GPRC6A: variants seen among roughly 807,000 people sequenced by gnomAD.
The protein encoded by GPRC6A is G protein-coupled receptor family C group 6 member A.
In GPRC6A, 54 loss-of-function variants were observed where a neutral mutation model predicts 47.0. That is an observed-to-expected ratio of 1.15 (90% CI 0.92 to 1.44). The LOEUF (loss-of-function observed/expected upper bound fraction) is 1.44, where lower values mean the gene tolerates loss of function less well. Among genes scored for constraint, GPRC6A ranks in the 40% most tolerant of loss-of-function variants. GPRC6A has a pLI of 0.00. For synonymous variants in GPRC6A, 347 were observed against 377.1 expected (o/e 0.92, Z 0.93); for missense variants, 1,112 against 1,105.5 (o/e 1.01, Z -0.08).
intron 4 of GPRC6A, among the ~76,000 whole-genome samples, chr6:116,799,960 T>G (rs1175041217): frequency 6.6e-6 from 1 of 152,140 alleles, no homozygotes; most frequent in Non-Finnish European, 1.5e-5. Context: ...CCACTGGAAT[T>G]CTCTTCTGAT....
At position 116,793,026 on chromosome 6, in the gene GPRC6A, A is replaced by G. The variant is rs1185662195; in HGVS notation, c.1897T>C (p.Cys633Arg). ...VVKSSGGLRV[C>R]YVILLCHFLN... ...AAATGACAGAGAAGGATCACATAGC[A>G]GACTCTTAATCCCCCGGATGATTTC... The change falls in exon 6 of 6, where the codon TGC becomes CGC. Residue 633 changes from cysteine to arginine, a missense_variant. Cys to Arg is a radical substitution (Grantham distance 180). Coordinates refer to ENST00000310357, the MANE Select transcript of GPRC6A (RefSeq NM_148963.4). 1.9e-6 allele frequency: 3 copies of G among 1,614,090 alleles called. No homozygotes were observed.
Position 116,793,055 on chromosome 6 carries a change from A to G in GPRC6A, c.1868T>C (p.Val623Ala). The G allele has an allele frequency of 2.5e-6, 4 of 1,613,936 alleles. 1 individual carries two copies. Among genetic ancestry groups the G allele is most frequent in the Non-Finnish European group, 3.4e-6 (4 of 1,179,866 alleles). ...IIFTRNLNTPVVKSSGGLRVC... is the reference protein window; with the variant it reads ...IIFTRNLNTPAVKSSGGLRVC... ...TCTTAATCCCCCGGATGATTTCACA[A>G]CAGGTGTGTTCAGGTTTCTTGTAAA... is the stretch of plus-strand genomic sequence containing the variant. The change falls in exon 6 of 6, where the codon GTT (valine) becomes GCT (alanine). Residue 623 changes from valine (V) to alanine (A), a missense_variant. Coordinates refer to ENST00000310357, the MANE Select transcript of GPRC6A (RefSeq NM_148963.4).
rs577137595 is a variant in GPRC6A, at chr6:116,798,650, C to T, written c.1548+1934G>A. ...CTCTAATTCCAGCACTTTAGGAGGC[C>T]GAGGCAGGTGGATCACAGGGTCAGG... On this transcript the variant is annotated intron_variant, in intron 4 of 5. Transcript: ENST00000310357. Among the ~76,000 whole-genome samples, 40 of 151,876 alleles carry T rather than the reference C, an allele frequency of 2.6e-4. No homozygotes were observed. The South Asian group carries it at 7.7e-3, about 29-fold the overall frequency.
intron 3 of GPRC6A, among the ~76,000 whole-genome samples, chr6:116,802,238 G>T (rs1772698157): frequency 6.6e-6 from 1 of 152,082 alleles, no homozygotes; most frequent in African/African-American, 2.4e-5. Context: ...AAATACAACA[G>T]TATTTTCATT....
At chr6:116,808,312 C>T (rs995988433) in intron 2 of GPRC6A, among the ~76,000 whole-genome samples, 2 of 151,970 alleles carry the variant, frequency 1.3e-5, no homozygotes, top group Non-Finnish European at 2.9e-5. Context: ...CCTTTTCTGC[C>T]GTCTATTACA....
intron 4 of GPRC6A, among the ~76,000 whole-genome samples, chr6:116,796,380 A>T (rs1377312142): frequency 6.6e-6 from 1 of 152,170 alleles, no homozygotes; most frequent in Non-Finnish European, 1.5e-5. Flanking sequence ...GCCTAAATAT[A>T]TACTATTTAA....
intron 2 of GPRC6A, among the ~76,000 whole-genome samples, chr6:116,808,235 A>G (rs561615446): frequency 1.6e-4 from 24 of 152,278 alleles, no homozygotes; most frequent in Admixed American, 1.2e-3. Flanking sequence ...TGATGTTGCT[A>G]TGCTCAGCCA....
Position 116,792,461 on chromosome 6 carries a change from G to A in GPRC6A, c.2462C>T (p.Ser821Phe). The A allele has an allele frequency of 6.2e-7, 1 of 1,613,586 alleles. No homozygotes were observed. Among genetic ancestry groups the A allele is most frequent in the Non-Finnish European group, 8.5e-7 (1 of 1,179,556 alleles). ...PAVEIIVILISNYGILYCTFI... is the reference protein window; with the variant it reads ...PAVEIIVILIFNYGILYCTFI... ...TGTGCAATACAGGATTCCATAGTTAGATATTAATATGACAATAATCTCCAC... is the reference window on the plus strand; with the variant it reads ...TGTGCAATACAGGATTCCATAGTTAAATATTAATATGACAATAATCTCCAC... The change falls in exon 6 of 6, where the codon TCT becomes TTT. Residue 821 changes from serine (S) to phenylalanine (F), a missense_variant. Physicochemically the swap from Ser to Phe is radical, Grantham distance 155 (BLOSUM62 -2). Coordinates refer to ENST00000310357, the MANE Select transcript of GPRC6A (RefSeq NM_148963.4).
intron 1 of GPRC6A, among the ~76,000 whole-genome samples, chr6:116,827,012 G>A (rs144855579): frequency 1.5e-3 from 232 of 151,894 alleles, no homozygotes; most frequent in African/African-American, 5.1e-3. Context: ...TATCATAAAG[G>A]TAGAGAGCTG....
At chr6:116,828,787 G>A (rs1340002968) in intron 1 of GPRC6A, 33 bp downstream of exon 1, 2 of 1,572,462 alleles carry the variant, frequency 1.3e-6, no homozygotes, top group African/African-American at 2.7e-5. Context: ...TGACAATCTT[G>A]AAATCTAAAC....
intron 3 of GPRC6A, among the ~76,000 whole-genome samples, chr6:116,802,798 C>T (rs17078383): frequency 0.14 from 20,596 of 152,076 alleles, 2,061 homozygotes; most frequent in African/African-American, 0.28. Flanking sequence ...TCACTAGAAA[C>T]ACTTCTTCTT....
At position 116,828,857 on chromosome 6, in the gene GPRC6A, C is replaced by A. The variant is rs1204126829; in HGVS notation, c.157G>T (p.Asp53Tyr). The change falls in exon 1 of 6, where the codon GAC becomes TAC. Residue 53 changes from aspartate to tyrosine, a missense_variant. By Grantham distance (160) the Asp-to-Tyr change is radical. Transcript: ENST00000310357. ...AIHEKMLSSE[D>Y]SPRRPQIQEC... is the part of the protein sequence containing the mutation. ...TGGATTTGTGGTCGTCTGGGAGAGT[C>A]TTCTGAGGACAACATTTTTTCATGA... 1 of 1,613,122 alleles carries A rather than the reference C, an allele frequency of 6.2e-7. No individual in the cohort carries two copies. Among genetic ancestry groups the A allele is most frequent in the Non-Finnish European group, 8.5e-7 (1 of 1,179,412 alleles).
At chr6:116,794,123 G>A (rs1309281615) in intron 5 of GPRC6A, among the ~76,000 whole-genome samples, 1 of 152,130 alleles carries the variant, frequency 6.6e-6, no homozygotes, top group Non-Finnish European at 1.5e-5. Context: ...AAGTTGGTGA[G>A]TCTCAGCTGC....
chr6:116,792,587 T>C lies in GPRC6A; in HGVS notation c.2336A>G (p.Asn779Ser). The change falls in exon 6 of 6, where the codon AAT becomes AGT. Residue 779 changes from asparagine (N) to serine (S), a missense_variant. Asn to Ser is a conservative substitution (Grantham distance 46). Coordinates refer to ENST00000310357, the MANE Select transcript of GPRC6A (RefSeq NM_148963.4). ...FAFKGKYENYNEAKFITFGML... is the reference protein window; with the variant it reads ...FAFKGKYENYSEAKFITFGML... Reference sequence around the variant, plus strand: ...GCCAAATGTAATGAATTTGGCTTCATTGTAATTCTCATATTTGCCTTTGAA... The same window carrying C: ...GCCAAATGTAATGAATTTGGCTTCACTGTAATTCTCATATTTGCCTTTGAA... The C allele has an allele frequency of 6.2e-7, 1 of 1,606,196 alleles. No individual in the cohort carries two copies.
Position 116,828,832 on chromosome 6 carries a change from T to C in GPRC6A, c.182A>G (p.Gln61Arg). The C allele has an allele frequency of 1.2e-6, 2 of 1,612,310 alleles. No individual in the cohort carries two copies. The highest frequency in any genetic ancestry group is 1.7e-6 in the Non-Finnish European group (2 of 1,178,910). The change falls in exon 1 of 6, where the codon CAG (glutamine) becomes CGG (arginine). Residue 61 changes from glutamine (Q) to arginine (R), a missense_variant. Physicochemically the swap from Gln to Arg is conservative, Grantham distance 43. Transcript: ENST00000310357. ...GAGACTTACTCACCCAACACACTCC[T>C]GGATTTGTGGTCGTCTGGGAGAGTC... ...SEDSPRRPQI[Q>R]ECVGFEISVF...
chr6:116,797,820 T>C (rs1772537093), intron 4 of GPRC6A, among the ~76,000 whole-genome samples: 1 of 152,184 alleles, frequency 6.6e-6, no homozygotes, highest in East Asian at 1.9e-4. Flanking sequence ...GTTCGTAATG[T>C]AGTTGTGAGG....
intron 1 of GPRC6A, among the ~76,000 whole-genome samples, chr6:116,819,964 A>T (rs888243536): frequency 1.3e-5 from 2 of 150,336 alleles, no homozygotes; most frequent in Non-Finnish European, 3.0e-5. Context: ...ACCGCTAGCA[A>T]GACTAATAAA....
At chr6:116,794,701 G>A (rs1772421956) in intron 5 of GPRC6A, among the ~76,000 whole-genome samples, 1 of 152,094 alleles carries the variant, frequency 6.6e-6, no homozygotes, top group Admixed American at 6.5e-5. Context: ...TTAGGCAGTG[G>A]TATAGCATTT....
In GPRC6A at chr6:116,795,944, T is replaced by C. The variant is rs1772473871; in HGVS notation, c.1549-109A>G. ...ATATATTTACTAAATACTATTTTGGTCTTTTTTCATAGGATTATAGAATCT... is the reference window on the plus strand; with the variant it reads ...ATATATTTACTAAATACTATTTTGGCCTTTTTTCATAGGATTATAGAATCT... On this transcript the variant is annotated intron_variant, in intron 4 of 5. Coordinates refer to ENST00000310357, the MANE Select transcript of GPRC6A (RefSeq NM_148963.4). 4 of 665,432 alleles carry C rather than the reference T, an allele frequency of 6.0e-6. No homozygotes were observed. The South Asian group carries it at 1.2e-4, about 20-fold the overall frequency. 41.2% of individuals were successfully genotyped at this position (665,432 alleles called of 1,614,324 possible).
Sources: gnomAD v4.1 joint callset for allele counts (sites outside exome capture counted in the v4.1 genomes callset) on GRCh38, gnomAD v4.1.1 for gene constraint, MANE v1.5 for transcripts, NCBI Gene and HGNC (gene_info 2026-07-23, HGNC 2026-07-21) for gene names.